The following HEYL variants were observed in gnomAD, a reference collection of about 807,000 sequenced individuals.
HEYL encodes hes related family bHLH transcription factor with YRPW motif like.
HEYL carries 12 observed loss-of-function variants against 18.6 expected under a neutral mutation model. The observed-to-expected ratio is 0.65, with a 90% CI of 0.41 to 1.05. The LOEUF is 1.05. HEYL is among the 50% of genes least tolerant of loss of function. The pLI, the probability that HEYL is intolerant of heterozygous loss-of-function variation, is 0.00. For missense variants in HEYL, 420 were observed against 444.7 expected (o/e 0.94, Z 0.50); for synonymous variants, 159 against 179.6 (o/e 0.89, Z 0.91).
Position 39,639,530 on chromosome 1 carries a change from G to T in HEYL, c.80+16C>A. On this transcript the variant is annotated intron_variant, in intron 1 of 4. Coordinates refer to ENST00000372852, the MANE Select transcript of HEYL (RefSeq NM_014571.4). ...CTCGCCCTCCGCCTGCTCGGTCCCC[G>T]CATCCCGGCCCTTACCTCAGCTGGC... 6.4e-7 allele frequency: 1 copy of T among 1,570,382 alleles called. No homozygotes were observed.
Position 39,639,543 on chromosome 1 carries a change from T to TACCTCAGCTGGCCCTC in HEYL, c.67_80+2dup, listed in dbSNP as rs1646376757. On this transcript the variant is annotated splice_region_variant and intron_variant, in intron 1 of 4. Transcript: ENST00000372852. ...TGCTCGGTCCCCGCATCCCGGCCCT[T>TACCTCAGCTGGCCCTC]ACCTCAGCTGGCCCTCTTGGCCCAC... 1 of 1,581,206 alleles carries TACCTCAGCTGGCCCTC rather than the reference T, an allele frequency of 6.3e-7. No individual in the cohort carries two copies. Among genetic ancestry groups the TACCTCAGCTGGCCCTC allele is most frequent in the Non-Finnish European group, 8.6e-7 (1 of 1,168,284 alleles).
intron 3 of HEYL, among the ~76,000 whole-genome samples, chr1:39,631,120 G>A (rs897512704): frequency 1.3e-5 from 2 of 152,192 alleles, no homozygotes; most frequent in African/African-American, 4.8e-5. Context: ...AGTCACTCTA[G>A]AAATGTCTGT....
At chr1:39,639,432 CT>C (rs1646376062) in intron 1 of HEYL, 113 bp downstream of exon 1, 12 of 792,056 alleles carry the variant, frequency 1.5e-5, no homozygotes, top group Non-Finnish European at 2.3e-5. Flanking sequence ...CCGCGCTCAC[CT>C]GCCTCTGCCC....
chr1:39,626,278 G>A lies in HEYL; in HGVS notation c.*229C>T, dbSNP rs954775826. The A allele has an allele frequency of 1.2e-4, 62 of 528,328 alleles. 1 individual carries two copies. The highest frequency in any genetic ancestry group is 1.9e-4 in the Non-Finnish European group (57 of 303,744). The allele number at this position is 528,328 out of a possible 1,614,324, so 32.7% of individuals were successfully genotyped here. A position where few individuals can be genotyped will look rare whatever the true frequency, so the allele number is the denominator to read the frequency against. Reference sequence around the variant, plus strand: ...GACTCATCTGTTCAGGTGAGAAATGGAACCAAGCCTCTGAGACCAGAACAG... The same window carrying A: ...GACTCATCTGTTCAGGTGAGAAATGAAACCAAGCCTCTGAGACCAGAACAG... On this transcript the variant is annotated 3_prime_UTR_variant, in exon 5 of 5. Coordinates refer to ENST00000372852, the MANE Select transcript of HEYL (RefSeq NM_014571.4).
intron 2 of HEYL, among the ~76,000 whole-genome samples, chr1:39,631,853 G>A (rs1272771469): frequency 1.3e-5 from 2 of 152,238 alleles, no homozygotes; most frequent in Non-Finnish European, 2.9e-5. Context: ...GTACAGCAGG[G>A]CACAGCCAAT....
intron 4 of HEYL, 84 bp from the exon 5 acceptor site, chr1:39,627,264 G>A (rs901077265): frequency 2.3e-5 from 29 of 1,258,550 alleles, no homozygotes; most frequent in Non-Finnish European, 3.2e-5. Flanking sequence ...TTCTGGACCT[G>A]CCTCCTCCAC....
At chr1:39,637,386 C>T (rs1264567757) in intron 1 of HEYL, among the ~76,000 whole-genome samples, 1 of 152,210 alleles carries the variant, frequency 6.6e-6, no homozygotes, top group East Asian at 1.9e-4. Flanking sequence ...AGGCTGGCTG[C>T]CTCCGTCCTG....
Position 39,632,680 on chromosome 1 carries a change from G to A in HEYL, c.116C>T (p.Ser39Leu). The change falls in exon 2 of 5, where the codon TCG (serine) becomes TTG (leucine). Residue 39 changes from serine to leucine, a missense_variant. Physicochemically the swap from Ser to Leu is moderately radical, Grantham distance 145 (BLOSUM62 -2). Transcript: ENST00000372852. Reference protein sequence around the residue: ...MARPLSTPSSSQMQARKKHRG... With the variant: ...MARPLSTPSSLQMQARKKHRG... ...GTGTTTCTTCCTGGCTTGCATCTGC[G>A]AAGAGCTGGGGGTGGACAGCGGCCT... The A allele has an allele frequency of 6.8e-6, 11 of 1,614,018 alleles. No individual in the cohort carries two copies. Among genetic ancestry groups the A allele is most frequent in the Middle Eastern group, 1.7e-4 (1 of 6,058 alleles).
Position 39,626,749 on chromosome 1 carries a change from G to A in HEYL, c.745C>T (p.Arg249Cys), listed in dbSNP as rs756951380. 34 of 1,526,352 alleles carry A rather than the reference G, an allele frequency of 2.2e-5. No individual in the cohort carries two copies. Among genetic ancestry groups the A allele is most frequent in the Middle Eastern group, 1.7e-4 (1 of 5,860 alleles). The allele number at this position is 1,526,352 out of a possible 1,614,324, so 94.6% of individuals were successfully genotyped here. A position where few individuals can be genotyped will look rare whatever the true frequency, so the allele number is the denominator to read the frequency against. Residue 249 changes from arginine (R) to cysteine (C), a missense_variant, in exon 5 of 5, where the codon CGC (arginine) becomes TGC (cysteine). By Grantham distance (180) the Arg-to-Cys change is radical. Transcript: ENST00000372852. ...SRGASSTRRA[R>C]PLERPATPVP... ...GGGGTCGCTGGCCTCTCTAGGGGGC[G>A]GGCCCTCCGGGTGGAAGATGCCCCT...
At position 39,630,281 on chromosome 1, in the gene HEYL, C is replaced by T; in HGVS notation, c.259G>A (p.Val87Ile). The change falls in exon 4 of 5, where the codon GTC becomes ATC. Residue 87 changes from valine to isoleucine, a missense_variant. Transcript: ENST00000372852. ...QGSSKLEKAE[V>I]LQMTVDHLKM... ...AAGTGATCCACCGTCATCTGCAAGA[C>T]CTCGGCTTTCTCCAGCTTGGAAGAG... 6.2e-7 allele frequency: 1 copy of T among 1,614,130 alleles called. No homozygotes were observed. Among genetic ancestry groups the T allele is most frequent in the Non-Finnish European group, 8.5e-7 (1 of 1,180,026 alleles).
intron 1 of HEYL, among the ~76,000 whole-genome samples, chr1:39,638,865 G>C (rs771408316): frequency 2.0e-5 from 3 of 152,210 alleles, no homozygotes; most frequent in Non-Finnish European, 4.4e-5. Context: ...TTACAGAACT[G>C]CGAGGTAGCA....
intron 4 of HEYL, among the ~76,000 whole-genome samples, chr1:39,627,634 G>A (rs777007743): frequency 1.3e-5 from 2 of 152,192 alleles, no homozygotes; most frequent in South Asian, 2.1e-4. Context: ...AGAAGGCAGC[G>A]TAGTGTAGCA....
At chr1:39,638,864 T>C (rs1376855542) in intron 1 of HEYL, among the ~76,000 whole-genome samples, 1 of 152,238 alleles carries the variant, frequency 6.6e-6, no homozygotes. Context: ...TTTACAGAAC[T>C]GCGAGGTAGC....
At chr1:39,638,930 C>A (rs1032814152) in intron 1 of HEYL, among the ~76,000 whole-genome samples, 5 of 152,160 alleles carry the variant, frequency 3.3e-5, no homozygotes, top group Admixed American at 3.3e-4. Flanking sequence ...GACTATCTAC[C>A]AGGAGCTGAA....
At chr1:39,632,477 G>T (rs556208138) in intron 2 of HEYL, among the ~76,000 whole-genome samples, 172 bp downstream of exon 2, 18 of 152,358 alleles carry the variant, frequency 1.2e-4, no homozygotes, top group Non-Finnish European at 2.1e-4. Context: ...GCTCAGAGAG[G>T]TTAACAGGCT....
chr1:39,629,796 C>T (rs1339450981), intron 4 of HEYL, among the ~76,000 whole-genome samples: 1 of 152,200 alleles, frequency 6.6e-6, no homozygotes, highest in Non-Finnish European at 1.5e-5. Context: ...TGATATGTCA[C>T]CCCAGTTCTG....
At position 39,623,695 on chromosome 1, in the gene HEYL, A is replaced by T. The variant is rs1646279780; in HGVS notation, c.*2812T>A. ...TCGAGGAAGGCCTCTTGGACGAGGC[A>T]ACGTTGAAGCCAAGGCCTGAGGGTC... is the stretch of plus-strand genomic sequence containing the variant. On this transcript the variant is annotated 3_prime_UTR_variant, in exon 5 of 5. Transcript: ENST00000372852. 6.6e-6 allele frequency among the ~76,000 whole-genome samples: 1 copy of T among 152,230 alleles called. No homozygotes were observed. The highest frequency in any genetic ancestry group is 6.5e-5 in the Admixed American group (1 of 15,290).
intron 3 of HEYL, among the ~76,000 whole-genome samples, chr1:39,631,198 T>G (rs2124114189): frequency 6.6e-6 from 1 of 152,368 alleles, no homozygotes; most frequent in East Asian, 1.9e-4. Flanking sequence ...CTGCGTGATC[T>G]GGTGTAAGTT....
At chr1:39,635,554 G>A (rs1214117076) in intron 1 of HEYL, among the ~76,000 whole-genome samples, 1 of 152,040 alleles carries the variant, frequency 6.6e-6, no homozygotes, top group Non-Finnish European at 1.5e-5. Flanking sequence ...CCATATCTCA[G>A]AGGCAAACCT....
Sources: allele counts gnomAD v4.1 joint callset (sites outside exome capture counted in the v4.1 genomes callset), GRCh38; gene constraint gnomAD v4.1.1; transcripts MANE v1.5; gene names NCBI Gene and HGNC (gene_info 2026-07-23, HGNC 2026-07-21).